The following POGZ variants were observed in gnomAD, a reference collection of about 807,000 sequenced individuals.
The protein encoded by POGZ is pogo transposable element with ZNF domain.
A neutral mutation model predicts 134.6 loss-of-function variants in POGZ; 17 were observed. The observed-to-expected ratio is 0.13, with a 90% CI of 0.09 to 0.19. The LOEUF is 0.19. POGZ is among the 10% of genes least tolerant of loss of function. POGZ has a pLI of 1.00. For missense variants in POGZ, 1,306 were observed against 1,769.7 expected, an observed-to-expected ratio of 0.74 and a Z score of 4.70; for synonymous variants, 693 against 657.1, an observed-to-expected ratio of 1.05 and a Z score of -0.84.
chr1:151,417,270 T>A (rs1303207609), intron 10 of POGZ, among the ~76,000 whole-genome samples: 2 of 151,056 alleles, frequency 1.3e-5, no homozygotes, highest in African/African-American at 4.9e-5. Context: ...CACCATGTTG[T>A]CTGGGATGGT....
chr1:151,413,432 TG>T (rs1295525506), intron 10 of POGZ, among the ~76,000 whole-genome samples: 2 of 152,080 alleles, frequency 1.3e-5, no homozygotes, highest in African/African-American at 4.8e-5. Context: ...CGGCCAATTT[TG>T]GTAAGACTTT....
At chr1:151,433,963 G>C (rs1659162608) in intron 3 of POGZ, among the ~76,000 whole-genome samples, 1 of 152,144 alleles carries the variant, frequency 6.6e-6, no homozygotes, top group Admixed American at 6.5e-5. Context: ...TGGATCACTT[G>C]AGCCTAGGAG....
At chr1:151,434,389 G>T (rs752286476) in intron 3 of POGZ, among the ~76,000 whole-genome samples, 1 of 152,002 alleles carries the variant, frequency 6.6e-6, no homozygotes, top group Admixed American at 6.6e-5. Context: ...TGGGAGGATC[G>T]TTTGAGCCTG....
Position 151,411,738 on chromosome 1 carries a change from C to T in POGZ, c.1813G>A (p.Val605Ile), listed in dbSNP as rs1654711141. The T allele has an allele frequency of 1.9e-6, 3 of 1,612,976 alleles. No homozygotes were observed. The highest frequency in any genetic ancestry group is 1.3e-5 in the African/African-American group (1 of 74,664). The change falls in exon 12 of 19, where the codon GTA becomes ATA. Residue 605 changes from valine (V) to isoleucine (I), a missense_variant. This residue lies in a region of POGZ where 149 missense variants were observed against 237.5 expected (regional missense o/e 0.63). Coordinates refer to ENST00000271715, the MANE Select transcript of POGZ (RefSeq NM_015100.4). ...TGGATCATCCGAAAATGGACATCTA[C>T]CTCAGAGTAGAGTGAGGAGCGATAT... is the stretch of plus-strand genomic sequence containing the variant. ...CQYRSSLYSE[V>I]DVHFRMIHED...
intron 1 of POGZ, among the ~76,000 whole-genome samples, chr1:151,457,394 A>AC (rs149610270): frequency 2.6e-5 from 4 of 151,954 alleles, no homozygotes; most frequent in Non-Finnish European, 5.9e-5. Context: ...AAAGATGACA[A>AC]CCCCCCTCTG....
intron 1 of POGZ, among the ~76,000 whole-genome samples, chr1:151,453,649 A>T (rs1662419676): frequency 6.6e-6 from 1 of 152,070 alleles, no homozygotes; most frequent in Non-Finnish European, 1.5e-5. Context: ...TTGTGCACTC[A>T]ATAGGTTTTA....
chr1:151,433,465 A>C (rs1046804645), intron 3 of POGZ, among the ~76,000 whole-genome samples: 2 of 152,100 alleles, frequency 1.3e-5, no homozygotes, highest in South Asian at 4.2e-4. Context: ...AAAACTAGCC[A>C]GGCGTAGTGG....
chr1:151,425,265 G>C (rs116102388), intron 7 of POGZ: 4 of 426,802 alleles, frequency 9.4e-6, no homozygotes, highest in Non-Finnish European at 1.8e-5. Context: ...GCAGTGGCAC[G>C]ACCACAGCTC....
At chr1:151,409,849 T>C (rs993278514) in intron 12 of POGZ, among the ~76,000 whole-genome samples, 2 of 152,230 alleles carry the variant, frequency 1.3e-5, no homozygotes, top group African/African-American at 4.8e-5. Context: ...ACTTTGAGGA[T>C]TCAGTCTGCC....
At chr1:151,421,195 G>A (rs984041066) in intron 10 of POGZ, among the ~76,000 whole-genome samples, 1 of 152,042 alleles carries the variant, frequency 6.6e-6, no homozygotes, top group African/African-American at 2.4e-5. Context: ...TTGAGGATAA[G>A]GGAGCGCTAC....
chr1:151,428,309 T>C lies in POGZ; in HGVS notation c.673A>G (p.Asn225Asp). The C allele has an allele frequency of 6.2e-7, 1 of 1,613,856 alleles. No individual in the cohort carries two copies. Among genetic ancestry groups the C allele is most frequent in the Non-Finnish European group, 8.5e-7 (1 of 1,179,932 alleles). Residue 225 changes from asparagine (N) to aspartate (D), a missense_variant, in exon 6 of 19, where the codon AAC becomes GAC. Asn to Asp is a conservative substitution (Grantham distance 23). Coordinates refer to ENST00000271715, the MANE Select transcript of POGZ (RefSeq NM_015100.4). ...GSTMPVRPTT[N>D]TFTTVIPATL... ...GCCGGGATGACGGTGGTGAAGGTGT[T>C]GGTGGTGGGCCTCACAGGCATTGTG... is the stretch of plus-strand genomic sequence containing the variant.
intron 1 of POGZ, among the ~76,000 whole-genome samples, chr1:151,458,389 G>A (rs932703869): frequency 1.3e-5 from 2 of 152,074 alleles, no homozygotes; most frequent in Non-Finnish European, 1.5e-5. Flanking sequence ...CATCCCAAAA[G>A]AAATTTGGGG....
chr1:151,404,724 GCCC>G lies in POGZ; in HGVS notation c.*75_*77del. 3 of 1,490,904 alleles carry G rather than the reference GCCC, an allele frequency of 2.0e-6. No homozygotes were observed. Among genetic ancestry groups the G allele is most frequent in the African/African-American group, 1.4e-5 (1 of 71,238 alleles). 92.4% of individuals were successfully genotyped at this position (1,490,904 alleles called of 1,614,324 possible). ...AGAAACCAAATACCCCACCTGGTAT[GCCC>G]CCTTTTCCCTAAGCCCCTTTACCCT... On this transcript the variant is annotated 3_prime_UTR_variant, in exon 19 of 19. Transcript: ENST00000271715.
chr1:151,438,257 T>TA (rs991600984), intron 3 of POGZ, among the ~76,000 whole-genome samples: 3 of 152,212 alleles, frequency 2.0e-5, no homozygotes, highest in Admixed American at 2.0e-4. Context: ...TGAAAAAAGT[T>TA]ACAGAACTGT....
chr1:151,411,862 T>A lies in POGZ; in HGVS notation c.1780-91A>T, dbSNP rs1198302636. On this transcript the variant is annotated intron_variant, in intron 11 of 18. Coordinates refer to ENST00000271715, the MANE Select transcript of POGZ (RefSeq NM_015100.4). The stretch of plus-strand genomic sequence containing the variant: ...AAGGTAGCAACAAAAATTTTTAAAT[T>A]AAAAAAAAAAAGTTTTCTCAAATGC... 24 of 989,178 alleles carry A rather than the reference T, an allele frequency of 2.4e-5. No individual in the cohort carries two copies. In the African/African-American group the frequency reaches 3.1e-4, roughly 13 times the overall value. The allele number at this position is 989,178 out of a possible 1,614,324, so 61.3% of individuals were successfully genotyped here.
intron 10 of POGZ, among the ~76,000 whole-genome samples, chr1:151,423,186 C>T (rs1657227304): frequency 6.6e-6 from 1 of 152,068 alleles, no homozygotes; most frequent in African/African-American, 2.4e-5. Context: ...CAGGATCTAA[C>T]ACTGAACTCA....
intron 3 of POGZ, among the ~76,000 whole-genome samples, chr1:151,434,240 G>T (rs1258383242): frequency 6.6e-6 from 1 of 152,178 alleles, no homozygotes; most frequent in Non-Finnish European, 1.5e-5. Flanking sequence ...AACCCAGGTG[G>T]GGTCTTCAGT....
At chr1:151,437,932 G>A (rs1659898307) in intron 3 of POGZ, among the ~76,000 whole-genome samples, 1 of 152,020 alleles carries the variant, frequency 6.6e-6, no homozygotes, top group African/African-American at 2.4e-5. Flanking sequence ...TCCTAGGCTG[G>A]GCGCAGTAGC....
At chr1:151,455,383 C>A (rs1252798515) in intron 1 of POGZ, among the ~76,000 whole-genome samples, 1 of 152,228 alleles carries the variant, frequency 6.6e-6, no homozygotes, top group Non-Finnish European at 1.5e-5. Context: ...CCCCAGGTCA[C>A]TGCCTCTTCC....
Sources: allele counts gnomAD v4.1 joint callset (sites outside exome capture counted in the v4.1 genomes callset), GRCh38; gene constraint gnomAD v4.1.1; regional missense constraint gnomAD v4.1.1; transcripts MANE v1.5; gene names NCBI Gene and HGNC (gene_info 2026-07-23, HGNC 2026-07-21).